The following DPP10 variants were observed in gnomAD, a reference collection of about 807,000 sequenced individuals.
DPP10 encodes dipeptidyl peptidase like 10, also known as inactive dipeptidyl peptidase 10.
A neutral mutation model predicts 120.9 loss-of-function variants in DPP10; 33 were observed. The observed-to-expected ratio is 0.27, with a 90% confidence interval of 0.21 to 0.37. DPP10 has a LOEUF of 0.37. DPP10 is among the 10% of genes least tolerant of loss of function. The pLI is 1.00. For synonymous variants in DPP10, 337 were observed against 326.1 expected (o/e 1.03, Z -0.36); for missense variants, 816 against 942.8 (o/e 0.87, Z 1.76).
At chr2:115,574,492 G>C (rs1457628012) in intron 5 of DPP10, among the ~76,000 whole-genome samples, 1 of 151,976 alleles carries the variant, frequency 6.6e-6, no homozygotes, top group Non-Finnish European at 1.5e-5. Flanking sequence ...TTAAATTCTT[G>C]TGCACCTCCC....
intron 1 of DPP10, among the ~76,000 whole-genome samples, chr2:115,186,842 C>A: frequency 6.6e-6 from 1 of 151,926 alleles, no homozygotes; most frequent in East Asian, 1.9e-4. Flanking sequence ...AGGTAACTGG[C>A]ATGGCTGACT....
chr2:114,851,124 GAAAGATCAAAAGCTAATT>G (rs1389795927), intron 1 of DPP10, among the ~76,000 whole-genome samples: 1 of 152,076 alleles, frequency 6.6e-6, no homozygotes, highest in Non-Finnish European at 1.5e-5. Flanking sequence ...AAATGCTAGT[GAAAGATCAAAAGCTAATT>G]AAAAGTAATC....
intron 5 of DPP10, among the ~76,000 whole-genome samples, chr2:115,663,936 A>C (rs1575471214): frequency 1.3e-5 from 2 of 152,090 alleles, no homozygotes; most frequent in East Asian, 3.9e-4. Context: ...CAGAGGTTGC[A>C]GTGAGCCGAG....
chr2:115,798,924 T>C (rs1328569227), intron 19 of DPP10, among the ~76,000 whole-genome samples: 1 of 152,082 alleles, frequency 6.6e-6, no homozygotes, highest in Admixed American at 6.6e-5. Context: ...CCTTCTTCAT[T>C]AATCCACTAT....
Position 114,533,725 on chromosome 2 carries a change from G to A in DPP10, c.60+90887G>A, listed in dbSNP as rs542097858. 8.5e-5 allele frequency among the ~76,000 whole-genome samples: 13 copies of A among 152,150 alleles called. No individual in the cohort carries two copies. The South Asian group carries it at 1.5e-3, about 17-fold the overall frequency. On this transcript the variant is annotated intron_variant, in intron 1 of 25. Coordinates refer to ENST00000410059, the MANE Select transcript of DPP10 (RefSeq NM_020868.6). ...TATCATATTAATTGCTAGTTTGCCC[G>A]GGTTTAGACTTTTAGATCAGAAATA...
At chr2:115,205,559 C>T (rs2056063394) in intron 1 of DPP10, among the ~76,000 whole-genome samples, 1 of 151,954 alleles carries the variant, frequency 6.6e-6, no homozygotes, top group South Asian at 2.1e-4. Flanking sequence ...TTTGCTCTAC[C>T]AAAAAGACAC....
chr2:115,480,139 A>G (rs530794670), intron 3 of DPP10, among the ~76,000 whole-genome samples: 10 of 152,176 alleles, frequency 6.6e-5, no homozygotes, highest in Admixed American at 4.6e-4. Context: ...TCCAAATTGT[A>G]TTTAAAGTCT....
intron 1 of DPP10, among the ~76,000 whole-genome samples, chr2:115,165,968 G>C (rs563431624): frequency 6.6e-6 from 1 of 152,302 alleles, no homozygotes; most frequent in East Asian, 1.9e-4. Flanking sequence ...ACAATTGAAC[G>C]TGAAGCTGTC....
At chr2:115,076,640 A>G (rs1397341401) in intron 1 of DPP10, among the ~76,000 whole-genome samples, 1 of 152,130 alleles carries the variant, frequency 6.6e-6, no homozygotes, top group Admixed American at 6.5e-5. Flanking sequence ...TTTTTACTCA[A>G]TATTTTTTTG....
At chr2:114,566,566 T>C (rs1267633371) in intron 1 of DPP10, among the ~76,000 whole-genome samples, 1 of 152,230 alleles carries the variant, frequency 6.6e-6, no homozygotes, top group East Asian at 1.9e-4. Flanking sequence ...ATCTAATCCA[T>C]AATACAAAAT....
intron 3 of DPP10, among the ~76,000 whole-genome samples, chr2:115,380,013 A>G (rs573322178): frequency 6.6e-6 from 1 of 152,248 alleles, no homozygotes; most frequent in African/African-American, 2.4e-5. Context: ...GTGGTGCTGA[A>G]AAAATATATA....
chr2:115,680,277 G>T (rs76455724), intron 5 of DPP10, among the ~76,000 whole-genome samples: 4,440 of 151,932 alleles, frequency 0.029, 148 homozygotes, highest in South Asian at 0.092. Context: ...AGAATAAGAT[G>T]TTTTAAGTAG....
chr2:115,417,804 C>A (rs753820847), intron 3 of DPP10, among the ~76,000 whole-genome samples: 3 of 152,176 alleles, frequency 2.0e-5, no homozygotes, highest in Non-Finnish European at 2.9e-5. Flanking sequence ...TCAGTTAAAA[C>A]ATTTGTCTTT....
At chr2:115,838,597 C>T (rs761195281) in intron 24 of DPP10, among the ~76,000 whole-genome samples, 6 of 152,162 alleles carry the variant, frequency 3.9e-5, no homozygotes, top group Non-Finnish European at 8.8e-5. Context: ...GTCTACCCAT[C>T]ATGCTGGACT....
Position 114,709,612 on chromosome 2 carries a change from CT to C in DPP10, c.60+266778del, listed in dbSNP as rs372681184. On this transcript the variant is annotated intron_variant, in intron 1 of 25. Coordinates refer to ENST00000410059, the MANE Select transcript of DPP10 (RefSeq NM_020868.6). ...TTTTTAGCTAAGATATGTTCTATAC[CT>C]TTTCCCCTTTGCCTTATGAAACTGC... 2.6e-3 allele frequency among the ~76,000 whole-genome samples: 400 copies of C among 152,136 alleles called. 3 individuals carry two copies. The highest frequency in any genetic ancestry group is 8.6e-3 in the African/African-American group (358 of 41,514).
intron 1 of DPP10, among the ~76,000 whole-genome samples, chr2:114,965,981 A>AG (rs1354315525): frequency 6.9e-6 from 1 of 145,324 alleles, no homozygotes; most frequent in East Asian, 2.0e-4. Context: ...AAAAAAAAAA[A>AG]AAAAAAGAAA....
intron 1 of DPP10, among the ~76,000 whole-genome samples, chr2:115,136,634 G>A (rs1457738624): frequency 1.3e-5 from 2 of 151,316 alleles, no homozygotes; most frequent in Non-Finnish European, 2.9e-5. Context: ...AATCAGCAAA[G>A]GCAAAAACTG....
intron 1 of DPP10, among the ~76,000 whole-genome samples, chr2:114,821,465 C>A (rs150304071): frequency 1.3e-5 from 2 of 152,090 alleles, no homozygotes; most frequent in African/African-American, 4.8e-5. Flanking sequence ...TTAAAAGAAA[C>A]GAAAACTTTT....
intron 3 of DPP10, among the ~76,000 whole-genome samples, chr2:115,393,487 G>A (rs2067462594): frequency 6.6e-6 from 1 of 152,120 alleles, no homozygotes; most frequent in African/African-American, 2.4e-5. Context: ...ATGACAAACT[G>A]GGATAGAACC....
Sources: allele counts gnomAD v4.1 joint callset (sites outside exome capture counted in the v4.1 genomes callset), GRCh38; gene constraint gnomAD v4.1.1; transcripts MANE v1.5; gene names NCBI Gene and HGNC (gene_info 2026-07-23, HGNC 2026-07-21).